NAALAD2: variants seen among roughly 807,000 people sequenced by gnomAD.
The protein encoded by NAALAD2 is N-acetylated alpha-linked acidic dipeptidase 2, also known as N-acetylated-alpha-linked acidic dipeptidase 2.
Under a neutral mutation model 95.6 loss-of-function variants are expected in NAALAD2, and 89 were observed. The ratio of observed to expected loss-of-function variants is 0.93; its 90% CI spans 0.78 to 1.11. The LOEUF is 1.11. Among genes scored for constraint, NAALAD2 ranks in the 50% least tolerant of loss-of-function variants. NAALAD2 has a pLI of 0.00. For synonymous variants in NAALAD2, 264 were observed against 294.4 expected (o/e 0.90, Z 1.06); for missense variants, 894 against 872.4 (o/e 1.02, Z -0.31).
chr11:90,139,543 C>T (rs754058735), intron 2 of NAALAD2, among the ~76,000 whole-genome samples: 13 of 152,160 alleles, frequency 8.5e-5, no homozygotes, highest in Admixed American at 2.0e-4. Flanking sequence ...TGTCTACTGC[C>T]TCTTGGTGAG....
intron 4 of NAALAD2, among the ~76,000 whole-genome samples, chr11:90,149,963 T>TA (rs1267575663): frequency 6.6e-6 from 1 of 152,118 alleles, no homozygotes; most frequent in Non-Finnish European, 1.5e-5. Context: ...GCTGTTTAGA[T>TA]ATGTCTGGCT....
At chr11:90,176,115 C>T (rs1018066817) in intron 15 of NAALAD2, 53 bp downstream of exon 15, 10 of 1,387,672 alleles carry the variant, frequency 7.2e-6, no homozygotes, top group African/African-American at 4.3e-5. Flanking sequence ...AGTCCTTTGG[C>T]GAAGAATGTC....
Position 90,162,102 on chromosome 11 carries a change from A to C in NAALAD2, c.990-847A>C, listed in dbSNP as rs185489481. On this transcript the variant is annotated intron_variant, in intron 8 of 18. Coordinates refer to ENST00000534061, the MANE Select transcript of NAALAD2 (RefSeq NM_005467.4). ...CATTCTTCCATTAAAAAACGATCAC[A>C]AACTAGAAACAACGGAGGTCTCCCT... Among the ~76,000 whole-genome samples the C allele has an allele frequency of 2.6e-4, 39 of 152,278 alleles. 1 individual carries two copies. The East Asian group carries it at 6.2e-3, about 24-fold the overall frequency.
At chr11:90,175,901 A>T in intron 14 of NAALAD2, 71 bp from the exon 15 acceptor site, 1 of 901,958 alleles carries the variant, frequency 1.1e-6, no homozygotes. Context: ...TGTCCCATCT[A>T]TTTAACTTTG....
At chr11:90,135,991 A>C (rs926163760) in intron 2 of NAALAD2, among the ~76,000 whole-genome samples, 1 of 152,148 alleles carries the variant, frequency 6.6e-6, no homozygotes, top group African/African-American at 2.4e-5. Context: ...TTTCTTAGAT[A>C]CCATATTCTG....
intron 6 of NAALAD2, among the ~76,000 whole-genome samples, chr11:90,155,521 A>G (rs1952066667): frequency 8.6e-6 from 1 of 116,270 alleles, no homozygotes; most frequent in Non-Finnish European, 1.6e-5. Flanking sequence ...ATATAATTAC[A>G]TATTATATAT....
Position 90,181,630 on chromosome 11 carries a change from T to C in NAALAD2, c.1869T>C (p.Phe623=), listed in dbSNP as rs746851717. 1.2e-6 allele frequency: 2 copies of C among 1,601,228 alleles called. No individual in the cohort carries two copies. Among genetic ancestry groups the C allele is most frequent in the Non-Finnish European group, 1.7e-6 (2 of 1,171,402 alleles). The change falls in exon 17 of 19, where the codon TTT becomes TTC. Residue 623 remains phenylalanine, a synonymous_variant. Coordinates refer to ENST00000534061, the MANE Select transcript of NAALAD2 (RefSeq NM_005467.4). ...CTATTTTTAAAAAAGACTCCTTATT[T>C]TCTGCTGTGAAAAACTTCTCAGAGG... ...TDHGVSFDSL[F]SAVKNFSEAA... is the part of the protein sequence containing the mutation.
Position 90,163,420 on chromosome 11 carries a change from A to T in NAALAD2, c.1186A>T (p.Met396Leu). ...QEIARSFGKL[M>L]SKGWRPRRTI... The stretch of plus-strand genomic sequence containing the variant: ...AATTGCCCGGAGTTTTGGAAAACTG[A>T]TGAGTAAAGGTAAACAACCTTTCTT... Residue 396 changes from methionine (M) to leucine (L), a missense_variant, in exon 10 of 19, where the codon ATG becomes TTG. Coordinates refer to ENST00000534061, the MANE Select transcript of NAALAD2 (RefSeq NM_005467.4). The T allele has an allele frequency of 1.2e-6, 2 of 1,614,062 alleles. No individual in the cohort carries two copies. The highest frequency in any genetic ancestry group is 2.2e-5 in the East Asian group (1 of 44,864).
chr11:90,180,729 AAATAT>A (rs756041346), intron 16 of NAALAD2, among the ~76,000 whole-genome samples: 2 of 152,192 alleles, frequency 1.3e-5, no homozygotes, highest in South Asian at 2.1e-4. Flanking sequence ...GTTGTAATAA[AAATAT>A]AATATAGTCA....
At chr11:90,181,329 A>C (rs904696802) in intron 16 of NAALAD2, among the ~76,000 whole-genome samples, 3 of 152,112 alleles carry the variant, frequency 2.0e-5, no homozygotes, top group Admixed American at 2.0e-4. Flanking sequence ...TGAATGAATG[A>C]ATTAATAAAA....
upstream of NAALAD2, among the ~76,000 whole-genome samples, chr11:90,132,695 A>G (rs1260630798): frequency 3.9e-5 from 6 of 152,222 alleles, no homozygotes; most frequent in Admixed American, 1.3e-4. Context: ...TTCTTAAGCC[A>G]TATTTGAGGG....
At chr11:90,144,862 T>A (rs1014314500) in intron 2 of NAALAD2, among the ~76,000 whole-genome samples, 4 of 150,736 alleles carry the variant, frequency 2.7e-5, no homozygotes. Flanking sequence ...AGCAGAAGAG[T>A]TTAGAAGGCA....
chr11:90,183,237 C>T (rs1019851450), intron 18 of NAALAD2, among the ~76,000 whole-genome samples: 2 of 152,126 alleles, frequency 1.3e-5, no homozygotes, highest in African/African-American at 2.4e-5. Flanking sequence ...TAAAAAAGAA[C>T]TCTTTCTAAC....
intron 13 of NAALAD2, among the ~76,000 whole-genome samples, chr11:90,171,419 C>A (rs570635448): frequency 1.3e-5 from 2 of 152,176 alleles, no homozygotes; most frequent in Non-Finnish European, 2.9e-5. Context: ...TTGATCCTTT[C>A]ATTGGAATGT....
chr11:90,183,476 T>C (rs938640925), intron 18 of NAALAD2, among the ~76,000 whole-genome samples: 18 of 152,228 alleles, frequency 1.2e-4, no homozygotes, highest in Non-Finnish European at 1.9e-4. Context: ...GTAATATTTT[T>C]CTCTTTGAGT....
At chr11:90,163,079 A>G in intron 9 of NAALAD2, 45 bp downstream of exon 9, 1 of 1,400,326 alleles carries the variant, frequency 7.1e-7, no homozygotes, top group Non-Finnish European at 9.8e-7. Context: ...TACAAAAATT[A>G]AAGGGTAAGT....
rs772444276 is a variant in NAALAD2, at chr11:90,177,874, T to C, written c.1615T>C (p.Tyr539His). The C allele has an allele frequency of 6.2e-7, 1 of 1,613,678 alleles. No individual in the cohort carries two copies. The highest frequency in any genetic ancestry group is 1.1e-5 in the South Asian group (1 of 91,026). The change falls in exon 16 of 19, where the codon TAC becomes CAC. Residue 539 changes from tyrosine to histidine, a missense_variant. Transcript: ENST00000534061. Reference sequence around the variant, plus strand: ...TCAGAAAACAGATAAGTACAGCAGCTACCCAGTGTACCACACAATTTATGA... The same window carrying C: ...TCAGAAAACAGATAAGTACAGCAGCCACCCAGTGTACCACACAATTTATGA... The part of the protein sequence containing the change: ...KNKKTDKYSS[Y>H]PVYHTIYETF...
At chr11:90,165,512 C>T (rs1340889666) in intron 11 of NAALAD2, among the ~76,000 whole-genome samples, 1 of 152,114 alleles carries the variant, frequency 6.6e-6, no homozygotes, top group African/African-American at 2.4e-5. Context: ...CCTCCTAACT[C>T]AGTTTCTCTT....
chr11:90,163,672 T>G, intron 11 of NAALAD2, 55 bp downstream of exon 11: 1 of 1,462,702 alleles, frequency 6.8e-7, no homozygotes, highest in Non-Finnish European at 9.6e-7. Flanking sequence ...GGAACAAATA[T>G]GTATGTGTCT....
Sources: allele counts gnomAD v4.1 joint callset (sites outside exome capture counted in the v4.1 genomes callset), GRCh38; gene constraint gnomAD v4.1.1; transcripts MANE v1.5; gene names NCBI Gene and HGNC (gene_info 2026-07-23, HGNC 2026-07-21).